Variants in SND1 observed in about 807,000 individuals in gnomAD.
The protein encoded by SND1 is staphylococcal nuclease domain-containing protein 1.
In SND1, 38 loss-of-function variants were observed where a neutral mutation model predicts 121.7. That is an observed-to-expected ratio of 0.31 (90% CI 0.24 to 0.41). SND1 has a LOEUF of 0.41. Ranked by LOEUF, SND1 falls within the 10% of genes least tolerant of loss-of-function variation. The probability of loss-of-function intolerance (pLI) is 1.00; values close to 1 mark genes in which losing one functional copy is unlikely to be tolerated. For synonymous variants in SND1, 401 were observed against 447.4 expected, an observed-to-expected ratio of 0.90 and a Z score of 1.31; for missense variants, 868 against 1,184.6, an observed-to-expected ratio of 0.73 and a Z score of 3.92.
intron 16 of SND1, among the ~76,000 whole-genome samples, chr7:128,034,924 T>G (rs1296960130): frequency 6.6e-6 from 1 of 152,232 alleles, no homozygotes; most frequent in Non-Finnish European, 1.5e-5. Context: ...TGGCTCTGAC[T>G]GCTTCTTGGA....
At chr7:127,831,917 A>G (rs557716700) in intron 11 of SND1, among the ~76,000 whole-genome samples, 1 of 152,258 alleles carries the variant, frequency 6.6e-6, no homozygotes, top group African/African-American at 2.4e-5. Flanking sequence ...ACCTTTGAAG[A>G]TAAGCCCTTC....
At chr7:127,698,489 C>T (rs905878947) in intron 3 of SND1, among the ~76,000 whole-genome samples, 1 of 152,158 alleles carries the variant, frequency 6.6e-6, no homozygotes, top group South Asian at 2.1e-4. Flanking sequence ...CTTGTCGAAG[C>T]TATTAAGCAG....
chr7:127,694,551 T>G (rs1795975190), intron 2 of SND1: 1 of 385,982 alleles, frequency 2.6e-6, no homozygotes. Context: ...CAGACAGTGA[T>G]AGGGAAAAAG....
intron 12 of SND1, among the ~76,000 whole-genome samples, chr7:127,861,280 CATT>C (rs1261697910): frequency 2.0e-5 from 3 of 152,128 alleles, no homozygotes; most frequent in African/African-American, 7.2e-5. Context: ...AGATGTAAAT[CATT>C]GTATCATGGG....
At chr7:127,717,274 A>T (rs1005808160) in intron 9 of SND1, among the ~76,000 whole-genome samples, 2 of 152,182 alleles carry the variant, frequency 1.3e-5, no homozygotes, top group African/African-American at 4.8e-5. Flanking sequence ...ATTTATTTAT[A>T]CTTTATTTCT....
At chr7:128,039,388 G>A (rs886494987) in intron 16 of SND1, among the ~76,000 whole-genome samples, 4 of 152,130 alleles carry the variant, frequency 2.6e-5, no homozygotes, top group Admixed American at 1.3e-4. Context: ...GATATCCCAC[G>A]TGGGTAAGAG....
intron 16 of SND1, among the ~76,000 whole-genome samples, chr7:128,035,035 C>G (rs1792721996): frequency 2.0e-5 from 3 of 152,202 alleles, no homozygotes; most frequent in Admixed American, 2.0e-4. Flanking sequence ...CAGTTTCACA[C>G]AGGGAGACTG....
chr7:128,000,733 C>A (rs1032729119), intron 16 of SND1, among the ~76,000 whole-genome samples: 1 of 152,180 alleles, frequency 6.6e-6, no homozygotes, highest in South Asian at 2.1e-4. Context: ...TCCGTTTGTC[C>A]TAAACATTGC....
chr7:127,975,117 A>G (rs186559096), intron 15 of SND1, among the ~76,000 whole-genome samples: 1 of 152,304 alleles, frequency 6.6e-6, no homozygotes, highest in Admixed American at 6.5e-5. Flanking sequence ...TTAATGATAA[A>G]AACTATGAAA....
intron 15 of SND1, among the ~76,000 whole-genome samples, chr7:127,971,470 C>T (rs548398143): frequency 6.6e-6 from 1 of 152,224 alleles, no homozygotes; most frequent in African/African-American, 2.4e-5. Context: ...TTAGATTGTA[C>T]CACATAGATC....
chr7:127,905,528 A>G (rs914122571), intron 14 of SND1, among the ~76,000 whole-genome samples: 2 of 152,184 alleles, frequency 1.3e-5, no homozygotes, highest in Non-Finnish European at 2.9e-5. Flanking sequence ...CTCTGAGAAT[A>G]TAACAATGAA....
rs527541384 is a variant in SND1, at chr7:128,030,733, C to T, written c.1779+39677C>T. 50 of 1,439,330 alleles carry T rather than the reference C, an allele frequency of 3.5e-5. No individual in the cohort carries two copies. The South Asian group carries it at 5.5e-4, about 16-fold the overall frequency. The allele number at this position is 1,439,330 out of a possible 1,614,324, so 89.2% of individuals were successfully genotyped here. On this transcript the variant is annotated intron_variant, in intron 16 of 23. Transcript: ENST00000354725. ...CGGCTTAAGTGAGCTAGGAGCTCCT[C>T]TTTCCATCTGGAGAAGGAGGTGGGG...
intron 1 of SND1, among the ~76,000 whole-genome samples, chr7:127,664,987 ACAC>A (rs1457885834): frequency 6.6e-6 from 1 of 152,164 alleles, no homozygotes; most frequent in African/African-American, 2.4e-5. Flanking sequence ...GGCACGGAGA[ACAC>A]TTGTTTTTTA....
At chr7:128,075,750 G>A (rs1367308786) in intron 17 of SND1, among the ~76,000 whole-genome samples, 1 of 152,208 alleles carries the variant, frequency 6.6e-6, no homozygotes, top group Admixed American at 6.5e-5. Flanking sequence ...TGCCCTGCAG[G>A]AGGCAGCCAC....
At chr7:128,030,789 G>A (rs1050933275) in intron 16 of SND1, 1 of 1,035,684 alleles carries the variant, frequency 9.7e-7, no homozygotes, top group Admixed American at 3.3e-5. Context: ...GAGCGGATCG[G>A]CCGAAAAAAA....
chr7:127,682,925 C>A (rs1189536786), intron 1 of SND1, among the ~76,000 whole-genome samples: 1 of 152,198 alleles, frequency 6.6e-6, no homozygotes, highest in African/African-American at 2.4e-5. Context: ...GCAGGTCTTT[C>A]TGAGAAGAAA....
At chr7:127,960,633 C>T (rs141259349) in intron 15 of SND1, among the ~76,000 whole-genome samples, 84 of 152,292 alleles carry the variant, frequency 5.5e-4, no homozygotes, top group Middle Eastern at 6.8e-3. Flanking sequence ...TTCTGTAGCC[C>T]TAGGCTTATC....
At chr7:127,775,863 C>T (rs776051265) in intron 10 of SND1, among the ~76,000 whole-genome samples, 2 of 152,070 alleles carry the variant, frequency 1.3e-5, no homozygotes, top group African/African-American at 2.4e-5. Context: ...TGTCTGGCAC[C>T]TTGGGAGCTA....
intron 10 of SND1, among the ~76,000 whole-genome samples, chr7:127,731,663 G>A (rs1024961342): frequency 6.6e-6 from 1 of 152,132 alleles, no homozygotes; most frequent in East Asian, 1.9e-4. Flanking sequence ...CCCTTCTTCC[G>A]GAGGTGCATA....
Sources: gnomAD v4.1 joint callset for allele counts (sites outside exome capture counted in the v4.1 genomes callset) on GRCh38, gnomAD v4.1.1 for gene constraint, MANE v1.5 for transcripts, NCBI Gene and HGNC (gene_info 2026-07-23, HGNC 2026-07-21) for gene names.